Variants in NRG3 observed in about 807,000 individuals in gnomAD.
NRG3 encodes neuregulin 3, also known as pro-neuregulin-3, membrane-bound isoform.
A neutral mutation model predicts 66.9 loss-of-function variants in NRG3; 31 were observed. That is an observed-to-expected ratio of 0.46 (90% CI 0.35 to 0.63). The LOEUF is 0.63. Among genes scored for constraint, NRG3 ranks in the 20% least tolerant of loss-of-function variants. NRG3 has a pLI of 0.00. For missense variants in NRG3, 910 were observed against 878.9 expected (o/e 1.04, Z -0.45); for synonymous variants, 393 against 359.4 (o/e 1.09, Z -1.06).
chr10:82,282,900 G>A (rs2079204069), intron 1 of NRG3, among the ~76,000 whole-genome samples: 1 of 152,050 alleles, frequency 6.6e-6, no homozygotes, highest in Admixed American at 6.6e-5. Flanking sequence ...ACCTGCAGAG[G>A]AGAGAGAGCT....
Position 82,077,617 on chromosome 10 carries a change from A to C in NRG3, c.823+201454A>C, listed in dbSNP as rs141441700. On this transcript the variant is annotated intron_variant, in intron 1 of 8. Coordinates refer to ENST00000372141, the MANE Select transcript of NRG3 (RefSeq NM_001010848.4). ...AGGAATGGGAGAGGAAATGATCTCA[A>C]TGATTAAAAGAAGGATTTGACCAAT... 4.4e-3 allele frequency among the ~76,000 whole-genome samples: 664 copies of C among 152,316 alleles called. 3 individuals carry two copies. The highest frequency in any genetic ancestry group is 7.3e-3 in the Non-Finnish European group (496 of 68,026).
At chr10:82,333,526 T>C (rs1016575285) in intron 1 of NRG3, among the ~76,000 whole-genome samples, 1 of 152,238 alleles carries the variant, frequency 6.6e-6, no homozygotes, top group African/African-American at 2.4e-5. Context: ...AAACTCTGTA[T>C]TCATCATTTT....
intron 1 of NRG3, among the ~76,000 whole-genome samples, chr10:81,933,635 G>A (rs571400378): frequency 3.8e-4 from 58 of 152,144 alleles, no homozygotes; most frequent in African/African-American, 1.3e-3. Flanking sequence ...TGTTTCTACG[G>A]TACTCTATAC....
At chr10:82,211,732 A>C (rs1451803058) in intron 1 of NRG3, among the ~76,000 whole-genome samples, 1 of 152,204 alleles carries the variant, frequency 6.6e-6, no homozygotes, top group African/African-American at 2.4e-5. Context: ...GAGCAATCCA[A>C]AGTAAAATTC....
chr10:81,991,088 G>A (rs1165016582), intron 1 of NRG3, among the ~76,000 whole-genome samples: 1 of 152,054 alleles, frequency 6.6e-6, no homozygotes, highest in Non-Finnish European at 1.5e-5. Context: ...GTCGTGACAT[G>A]GGCTGAAACC....
At chr10:82,124,727 TAAA>T (rs35137297) in intron 1 of NRG3, among the ~76,000 whole-genome samples, 1 of 119,266 alleles carries the variant, frequency 8.4e-6, no homozygotes, top group Non-Finnish European at 1.9e-5. Flanking sequence ...GAACTTAAAG[TAAA>T]AAAAAAAAAA....
chr10:82,533,020 T>G (rs903474162), intron 2 of NRG3, among the ~76,000 whole-genome samples: 17 of 151,904 alleles, frequency 1.1e-4, no homozygotes, highest in Admixed American at 3.3e-4. Flanking sequence ...TTTCGCTGTG[T>G]TTTTGATTTG....
intron 1 of NRG3, among the ~76,000 whole-genome samples, chr10:82,255,590 T>TAAA (rs1345631897): frequency 2.0e-5 from 3 of 151,692 alleles, no homozygotes; most frequent in African/African-American, 7.3e-5. Flanking sequence ...CTTTTTTTTT[T>TAAA]AAAAAACAAA....
intron 1 of NRG3, among the ~76,000 whole-genome samples, chr10:82,059,850 C>G (rs745560077): frequency 3.9e-5 from 6 of 152,170 alleles, no homozygotes; most frequent in Non-Finnish European, 5.9e-5. Flanking sequence ...GTCCTAGGTA[C>G]CACCAGTGGC....
chr10:82,481,911 C>A (rs538448525), intron 2 of NRG3, among the ~76,000 whole-genome samples: 1 of 152,002 alleles, frequency 6.6e-6, no homozygotes, highest in Non-Finnish European at 1.5e-5. Flanking sequence ...TGTTTGAACC[C>A]GGGAGGCAGA....
intron 1 of NRG3, among the ~76,000 whole-genome samples, chr10:82,267,760 C>T (rs1040416711): frequency 6.6e-6 from 1 of 152,144 alleles, no homozygotes; most frequent in African/African-American, 2.4e-5. Context: ...ACCTATTACT[C>T]AGCTCTGCAT....
intron 4 of NRG3, among the ~76,000 whole-genome samples, chr10:82,933,416 T>C (rs1476324957): frequency 6.6e-6 from 1 of 152,170 alleles, no homozygotes; most frequent in Non-Finnish European, 1.5e-5. Context: ...GCCTTCTTTG[T>C]CACTTCCCAA....
rs1019380227 is a variant in NRG3, at chr10:82,802,394, AC to A, written c.1028-63016del. The stretch of plus-strand genomic sequence containing the variant: ...GCTTGAGGCTACTCTGCATGATCTA[AC>A]TTTTTTGAAAACAAACATGCTGATC... On this transcript the variant is annotated intron_variant, in intron 3 of 8. Coordinates refer to ENST00000372141, the MANE Select transcript of NRG3 (RefSeq NM_001010848.4). Among the ~76,000 whole-genome samples, 11 of 152,308 alleles carry A rather than the reference AC, an allele frequency of 7.2e-5. No individual in the cohort carries two copies. The East Asian group carries it at 1.9e-3, about 27-fold the overall frequency.
chr10:81,958,164 C>T (rs887311528), intron 1 of NRG3, among the ~76,000 whole-genome samples: 2 of 152,170 alleles, frequency 1.3e-5, no homozygotes, highest in East Asian at 1.9e-4. Flanking sequence ...TGGCCACATC[C>T]TGTTCTGACT....
At chr10:82,499,994 T>C (rs1421209096) in intron 2 of NRG3, among the ~76,000 whole-genome samples, 1 of 152,164 alleles carries the variant, frequency 6.6e-6, no homozygotes, top group Non-Finnish European at 1.5e-5. Context: ...CTGAGACAAA[T>C]GACCTTGAAA....
At chr10:82,191,063 A>G (rs2074115155) in intron 1 of NRG3, among the ~76,000 whole-genome samples, 1 of 152,048 alleles carries the variant, frequency 6.6e-6, no homozygotes, top group Non-Finnish European at 1.5e-5. Flanking sequence ...TGCCAAGAAT[A>G]GTGAGATTGC....
In NRG3 at chr10:82,202,122, G is replaced by A. The variant is rs570563071; in HGVS notation, c.824-156617G>A. Among the ~76,000 whole-genome samples the A allele has an allele frequency of 8.5e-5, 13 of 152,194 alleles. No homozygotes were observed. In the East Asian group the frequency reaches 1.7e-3, roughly 20 times the overall value. On this transcript the variant is annotated intron_variant, in intron 1 of 8. Coordinates refer to ENST00000372141, the MANE Select transcript of NRG3 (RefSeq NM_001010848.4). ...TAGATGGGTTGTGACATTTGCCCAC[G>A]TTCACACAGGTATAGATTTAGAGAT...
intron 1 of NRG3, among the ~76,000 whole-genome samples, chr10:82,311,714 T>C (rs572051289): frequency 6.6e-6 from 1 of 152,254 alleles, no homozygotes; most frequent in African/African-American, 2.4e-5. Flanking sequence ...ACTCATTTAA[T>C]ACTCACACCA....
intron 3 of NRG3, among the ~76,000 whole-genome samples, chr10:82,815,368 T>C (rs972139842): frequency 6.6e-6 from 1 of 152,142 alleles, no homozygotes; most frequent in Non-Finnish European, 1.5e-5. Flanking sequence ...GTCAAAGAAA[T>C]AGCAAAGCTT....
Sources: allele counts gnomAD v4.1 joint callset (sites outside exome capture counted in the v4.1 genomes callset), GRCh38; gene constraint gnomAD v4.1.1; transcripts MANE v1.5; gene names NCBI Gene and HGNC (gene_info 2026-07-23, HGNC 2026-07-21).